The following SPAG16 variants were observed in gnomAD, a reference collection of about 807,000 sequenced individuals.
SPAG16 encodes the protein sperm-associated antigen 16 protein.
SPAG16 carries 86 observed loss-of-function variants against 80.4 expected under a neutral mutation model. The ratio of observed to expected loss-of-function variants is 1.07; its 90% confidence interval spans 0.90 to 1.28. SPAG16 has a LOEUF of 1.28. Among genes scored for constraint, SPAG16 ranks in the 50% most tolerant of loss-of-function variants. The probability of loss-of-function intolerance (pLI) is 0.00; values close to 1 mark genes in which losing one functional copy is unlikely to be tolerated. For missense variants in SPAG16, 870 were observed against 765.3 expected (o/e 1.14, Z -1.61); for synonymous variants, 294 against 265.9 (o/e 1.11, Z -1.03).
chr2:213,647,741 G>C (rs1365356550), intron 10 of SPAG16, among the ~76,000 whole-genome samples: 3 of 152,190 alleles, frequency 2.0e-5, no homozygotes, highest in Non-Finnish European at 4.4e-5. Context: ...GCTCTTGCCA[G>C]GATCTGTCTC....
intron 15 of SPAG16, among the ~76,000 whole-genome samples, chr2:214,340,243 C>T (rs1246320785): frequency 6.6e-6 from 1 of 152,196 alleles, no homozygotes; most frequent in Admixed American, 6.5e-5. Context: ...GCTCCAACCT[C>T]TTACTCCACA....
chr2:213,475,527 G>A (rs1222562085), intron 9 of SPAG16, among the ~76,000 whole-genome samples: 1 of 152,122 alleles, frequency 6.6e-6, no homozygotes, highest in East Asian at 1.9e-4. Flanking sequence ...TGCTAATCTT[G>A]AATTTGAAGC....
rs1484591498 is a variant in SPAG16, at chr2:213,539,749, AAAT to A, written c.1070+49667_1070+49669del. The stretch of plus-strand genomic sequence containing the variant: ...ATTTTTGCTAAAAGCGTGGTTAAAC[AAAT>A]AATAATACAAGTACATAATTAATGA... On this transcript the variant is annotated intron_variant, in intron 10 of 15. Coordinates refer to ENST00000331683, the MANE Select transcript of SPAG16 (RefSeq NM_024532.5). Among the ~76,000 whole-genome samples the A allele has an allele frequency of 2.6e-5, 4 of 152,346 alleles. 1 individual carries two copies. Among genetic ancestry groups the A allele is most frequent in the Non-Finnish European group, 4.4e-5 (3 of 68,024 alleles).
intron 10 of SPAG16, among the ~76,000 whole-genome samples, chr2:213,860,558 T>G (rs1237951316): frequency 6.6e-6 from 1 of 150,988 alleles, no homozygotes; most frequent in African/African-American, 2.4e-5. Context: ...CAAATCAGAG[T>G]GTGATTAGGA....
intron 10 of SPAG16, among the ~76,000 whole-genome samples, chr2:213,596,157 A>C (rs2060879719): frequency 6.6e-6 from 1 of 152,124 alleles, no homozygotes; most frequent in African/African-American, 2.4e-5. Context: ...TTAATAAGCA[A>C]TAGGCCAGGC....
intron 15 of SPAG16, among the ~76,000 whole-genome samples, chr2:214,331,486 C>T (rs1696910681): frequency 1.3e-5 from 2 of 152,186 alleles, no homozygotes; most frequent in African/African-American, 4.8e-5. Flanking sequence ...CTTAAAGTTA[C>T]AGAGACAGAA....
intron 9 of SPAG16, among the ~76,000 whole-genome samples, chr2:213,406,822 G>A (rs1471517962): frequency 6.6e-6 from 1 of 151,926 alleles, no homozygotes; most frequent in African/African-American, 2.4e-5. Context: ...CTCCAGGACG[G>A]TCTCTCCTCT....
At chr2:213,547,320 G>C (rs1366879277) in intron 10 of SPAG16, among the ~76,000 whole-genome samples, 5 of 151,996 alleles carry the variant, frequency 3.3e-5, no homozygotes, top group Non-Finnish European at 7.4e-5. Context: ...TATCGAAAGA[G>C]AAATAATATT....
At chr2:213,578,959 C>A (rs967797098) in intron 10 of SPAG16, among the ~76,000 whole-genome samples, 7 of 151,732 alleles carry the variant, frequency 4.6e-5, no homozygotes. Context: ...TCATAAAAAC[C>A]CATTTAAGTG....
rs142363323 is a variant in SPAG16, at chr2:214,348,193, C to G, written c.1721-61947C>G. On this transcript the variant is annotated intron_variant, in intron 15 of 15. Coordinates refer to ENST00000331683, the MANE Select transcript of SPAG16 (RefSeq NM_024532.5). Reference sequence around the variant, plus strand: ...GAGGAGTGATAACCTAGAAACTGAACCTAAAGCATCTCCTTCACACATGGA... The same window carrying G: ...GAGGAGTGATAACCTAGAAACTGAAGCTAAAGCATCTCCTTCACACATGGA... Among the ~76,000 whole-genome samples the G allele has an allele frequency of 1.8e-3, 269 of 152,214 alleles. 2 individuals are homozygous for G. The highest frequency in any genetic ancestry group is 6.3e-3 in the African/African-American group (261 of 41,542).
At chr2:214,328,914 G>GT (rs568031599) in intron 15 of SPAG16, among the ~76,000 whole-genome samples, 3 of 152,004 alleles carry the variant, frequency 2.0e-5, no homozygotes, top group Non-Finnish European at 2.9e-5. Flanking sequence ...AGTGTATGTG[G>GT]TTTTTTTAAA....
chr2:214,324,220 T>A (rs1336535400), intron 15 of SPAG16, among the ~76,000 whole-genome samples: 2 of 152,220 alleles, frequency 1.3e-5, no homozygotes, highest in South Asian at 2.1e-4. Flanking sequence ...AATGTTATGA[T>A]ATTCATTTTC....
At position 213,585,469 on chromosome 2, in the gene SPAG16, G is replaced by T. The variant is rs141079054; in HGVS notation, c.1070+95379G>T. On this transcript the variant is annotated intron_variant, in intron 10 of 15. Transcript: ENST00000331683. ...TTTTTATATTCTTAGTAGAGATGGG[G>T]TTTCACCATGTTGACCAGGCTGGTC... Among the ~76,000 whole-genome samples the T allele has an allele frequency of 1.6e-3, 239 of 152,004 alleles. 3 individuals carry two copies. Among genetic ancestry groups the T allele is most frequent in the African/African-American group, 4.7e-3 (194 of 41,492 alleles).
chr2:213,544,781 C>T (rs1459001690), intron 10 of SPAG16, among the ~76,000 whole-genome samples: 10 of 152,008 alleles, frequency 6.6e-5, no homozygotes, highest in Admixed American at 6.6e-4. Context: ...TAGTTTGTAG[C>T]CTTTTCAGAC....
At chr2:213,490,855 C>T (rs2074204816) in intron 10 of SPAG16, among the ~76,000 whole-genome samples, 1 of 152,050 alleles carries the variant, frequency 6.6e-6, no homozygotes, top group Non-Finnish European at 1.5e-5. Flanking sequence ...AAATATATGG[C>T]ATTTGTTTTG....
chr2:214,227,510 A>C (rs979124865), intron 15 of SPAG16, among the ~76,000 whole-genome samples: 1 of 151,902 alleles, frequency 6.6e-6, no homozygotes, highest in Non-Finnish European at 1.5e-5. Flanking sequence ...CCCATATCCC[A>C]AAGACCCGTA....
chr2:213,501,021 G>A (rs1371968796), intron 10 of SPAG16, among the ~76,000 whole-genome samples: 1 of 152,168 alleles, frequency 6.6e-6, no homozygotes, highest in Non-Finnish European at 1.5e-5. Flanking sequence ...AAAAGTACCT[G>A]TATATTTCTA....
chr2:213,993,315 C>A (rs151247955), intron 12 of SPAG16, among the ~76,000 whole-genome samples: 7 of 152,192 alleles, frequency 4.6e-5, no homozygotes, highest in African/African-American at 1.7e-4. Context: ...ATATCCCAGT[C>A]ACACAGTGCA....
intron 15 of SPAG16, among the ~76,000 whole-genome samples, chr2:214,232,284 A>G (rs1056934269): frequency 1.3e-5 from 2 of 152,064 alleles, no homozygotes; most frequent in Admixed American, 6.6e-5. Context: ...AGAGTATAGT[A>G]TCTTTTACCT....
Sources: gnomAD v4.1 joint callset for allele counts (sites outside exome capture counted in the v4.1 genomes callset) on GRCh38, gnomAD v4.1.1 for gene constraint, MANE v1.5 for transcripts, NCBI Gene and HGNC (gene_info 2026-07-23, HGNC 2026-07-21) for gene names.